GREM2: variants seen among roughly 807,000 people sequenced by gnomAD.
GREM2 encodes the protein gremlin 2, DAN family BMP antagonist, also known as gremlin-2.
GREM2 carries 11 observed loss-of-function variants against 14.2 expected under a neutral mutation model. The ratio of observed to expected loss-of-function variants is 0.78; its 90% confidence interval spans 0.49 to 1.28. The LOEUF is 1.28. Among genes scored for constraint, GREM2 ranks in the 50% most tolerant of loss-of-function variants. GREM2 has a pLI of 0.00. For synonymous variants in GREM2, 98 were observed against 97.6 expected, an observed-to-expected ratio of 1.00 and a Z score of -0.02; for missense variants, 210 against 218.5, an observed-to-expected ratio of 0.96 and a Z score of 0.24.
intron 1 of GREM2, among the ~76,000 whole-genome samples, chr1:240,563,825 G>C (rs982910477): frequency 1.6e-4 from 24 of 152,156 alleles, no homozygotes; most frequent in African/African-American, 5.8e-4. Context: ...CCTATAGGTA[G>C]ACATGTACCC....
At chr1:240,566,193 A>G (rs1262900338) in intron 1 of GREM2, among the ~76,000 whole-genome samples, 2 of 152,230 alleles carry the variant, frequency 1.3e-5, no homozygotes, top group African/African-American at 4.8e-5. Context: ...AAAATAGGTT[A>G]CAAATTAAAT....
chr1:240,499,218 G>C (rs1269652181), intron 1 of GREM2, among the ~76,000 whole-genome samples: 5 of 152,172 alleles, frequency 3.3e-5, no homozygotes, highest in Non-Finnish European at 5.9e-5. Flanking sequence ...ACAGGCAAAT[G>C]CAAGTGACCA....
At chr1:240,522,130 A>C (rs55800143) in intron 1 of GREM2, among the ~76,000 whole-genome samples, 2,806 of 151,590 alleles carry the variant, frequency 0.019, 37 homozygotes, top group Non-Finnish European at 0.029. Context: ...CAAAAAAAAA[A>C]AAAAACAAAA....
chr1:240,531,552 G>A (rs1347651059), intron 1 of GREM2: 2 of 726,028 alleles, frequency 2.8e-6, no homozygotes, highest in Non-Finnish European at 3.4e-6. Context: ...GAAAAGAAAA[G>A]CTTCCCAAAC....
In GREM2 at chr1:240,491,650, C is replaced by A. The variant is rs1677252178; in HGVS notation, c.*1319G>T. ...GTTCAACTAGATTACTATTCTATAT[C>A]TTTTATTCCTTACTCCCTTCTATAC... On this transcript the variant is annotated 3_prime_UTR_variant, in exon 2 of 2. Transcript: ENST00000318160. 1 of 152,614 alleles carries A rather than the reference C, an allele frequency of 6.6e-6. No individual in the cohort carries two copies. The highest frequency in any genetic ancestry group is 1.5e-5 in the Non-Finnish European group (1 of 68,044). The allele number at this position is 152,614 out of a possible 1,614,324, so 9.5% of individuals were successfully genotyped here.
chr1:240,600,767 A>T (rs1679907267), intron 1 of GREM2, among the ~76,000 whole-genome samples: 1 of 152,140 alleles, frequency 6.6e-6, no homozygotes, highest in Non-Finnish European at 1.5e-5. Context: ...TACAGGCGTG[A>T]GCCACCGTGC....
At chr1:240,586,847 G>A (rs1363707664) in intron 1 of GREM2, among the ~76,000 whole-genome samples, 1 of 152,180 alleles carries the variant, frequency 6.6e-6, no homozygotes, top group East Asian at 1.9e-4. Context: ...GTTTAAAGAT[G>A]CCTATCAGGG....
At chr1:240,500,038 A>G (rs974667227) in intron 1 of GREM2, among the ~76,000 whole-genome samples, 1 of 152,238 alleles carries the variant, frequency 6.6e-6, no homozygotes, top group African/African-American at 2.4e-5. Context: ...ATTTCTAACT[A>G]TGAAACATTT....
chr1:240,511,339 T>A (rs1024558386), intron 1 of GREM2, among the ~76,000 whole-genome samples: 5 of 152,196 alleles, frequency 3.3e-5, no homozygotes, highest in Non-Finnish European at 7.3e-5. Context: ...ATAACAACTA[T>A]TTACATAGCA....
At chr1:240,570,661 T>C (rs1357796327) in intron 1 of GREM2, among the ~76,000 whole-genome samples, 1 of 152,208 alleles carries the variant, frequency 6.6e-6, no homozygotes, top group Non-Finnish European at 1.5e-5. Context: ...CAGGCGGTCT[T>C]TAAAGTGAGA....
At chr1:240,575,674 C>T (rs1679358002) in intron 1 of GREM2, among the ~76,000 whole-genome samples, 1 of 151,960 alleles carries the variant, frequency 6.6e-6, no homozygotes. Context: ...GCGCGCACCA[C>T]CACGCCCAGC....
intron 1 of GREM2, among the ~76,000 whole-genome samples, chr1:240,547,007 G>C (rs1004093274): frequency 3.3e-5 from 5 of 152,184 alleles, no homozygotes; most frequent in Admixed American, 2.6e-4. Flanking sequence ...ACTGAAGACC[G>C]AGAACATTGT....
chr1:240,521,359 G>A (rs920748306), intron 1 of GREM2, among the ~76,000 whole-genome samples: 1 of 152,078 alleles, frequency 6.6e-6, no homozygotes, highest in African/African-American at 2.4e-5. Context: ...ACGAGGTCAG[G>A]AGATCGAGAC....
intron 1 of GREM2, among the ~76,000 whole-genome samples, chr1:240,611,581 A>G (rs192920915): frequency 1.3e-5 from 2 of 152,286 alleles, no homozygotes; most frequent in Non-Finnish European, 2.9e-5. Context: ...AGAGGTATTT[A>G]TTGGTGGGAT....
chr1:240,523,975 A>G (rs548977276), intron 1 of GREM2, among the ~76,000 whole-genome samples: 1 of 152,258 alleles, frequency 6.6e-6, no homozygotes, highest in Non-Finnish European at 1.5e-5. Flanking sequence ...CTATTTATAT[A>G]TTGTCTGTTT....
At chr1:240,548,013 A>G (rs527937038) in intron 1 of GREM2, among the ~76,000 whole-genome samples, 10 of 152,064 alleles carry the variant, frequency 6.6e-5, no homozygotes, top group African/African-American at 2.2e-4. Context: ...TGTAATCCCA[A>G]CGGTTTGGGA....
chr1:240,534,515 C>A (rs1044484531), intron 1 of GREM2, among the ~76,000 whole-genome samples: 3 of 151,830 alleles, frequency 2.0e-5, no homozygotes, highest in African/African-American at 7.3e-5. Context: ...CGGTGAAACC[C>A]TGTCTCTACT....
intron 1 of GREM2, among the ~76,000 whole-genome samples, chr1:240,494,846 A>G (rs1677372491): frequency 6.6e-6 from 1 of 152,130 alleles, no homozygotes. Context: ...GCTTGCAATG[A>G]GCCGAGATGG....
At chr1:240,513,566 C>T (rs1677883523) in intron 1 of GREM2, among the ~76,000 whole-genome samples, 1 of 113,920 alleles carries the variant, frequency 8.8e-6, no homozygotes, top group Non-Finnish European at 1.7e-5. Context: ...CAGAGTGAGA[C>T]TCCATCTACA....
Sources: gnomAD v4.1 joint callset for allele counts (sites outside exome capture counted in the v4.1 genomes callset) on GRCh38, gnomAD v4.1.1 for gene constraint, MANE v1.5 for transcripts, NCBI Gene and HGNC (gene_info 2026-07-23, HGNC 2026-07-21) for gene names.